Variants in TP53BP2 observed in about 807,000 individuals in gnomAD.
TP53BP2 encodes the protein apoptosis-stimulating of p53 protein 2.
In TP53BP2, 62 loss-of-function variants were observed where a neutral mutation model predicts 126.2. The observed-to-expected ratio is 0.49, with a 90% confidence interval of 0.40 to 0.61. TP53BP2 has a LOEUF of 0.61. TP53BP2 is among the 20% of genes least tolerant of loss of function. The pLI is 0.00. For synonymous variants in TP53BP2, 485 were observed against 502.9 expected, an observed-to-expected ratio of 0.96 and a Z score of 0.48; for missense variants, 1,215 against 1,402.8, an observed-to-expected ratio of 0.87 and a Z score of 2.14.
intron 13 of TP53BP2, among the ~76,000 whole-genome samples, chr1:223,795,161 G>A (rs1655191556): frequency 6.6e-6 from 1 of 152,162 alleles, no homozygotes; most frequent in Admixed American, 6.6e-5. Context: ...TGTAGAAGGT[G>A]CACTCAAGCC....
At chr1:223,782,242 T>C (rs1253189337) in intron 17 of TP53BP2, among the ~76,000 whole-genome samples, 1 of 152,200 alleles carries the variant, frequency 6.6e-6, no homozygotes, top group Admixed American at 6.5e-5. Context: ...ACACCATAAA[T>C]ATACACAATT....
rs1662541887 is a variant in TP53BP2, at chr1:223,802,036, AAG to A, written c.1225+78_1225+79del. 1.0e-5 allele frequency: 14 copies of A among 1,362,640 alleles called. No individual in the cohort carries two copies. In the Middle Eastern group the frequency reaches 1.1e-3, roughly 109 times the overall value. 84.4% of individuals were successfully genotyped at this position (1,362,640 alleles called of 1,614,324 possible). A position where few individuals can be genotyped will look rare whatever the true frequency, so the allele number is the denominator to read the frequency against. On this transcript the variant is annotated intron_variant, in intron 9 of 17. Transcript: ENST00000343537. The stretch of plus-strand genomic sequence containing the variant: ...AATTCAAACATGAATAATGAATACA[AAG>A]AGAGATTTTTTTTAAACTCAAACTT...
chr1:223,823,169 T>C (rs570014203), intron 1 of TP53BP2, among the ~76,000 whole-genome samples: 7 of 152,230 alleles, frequency 4.6e-5, no homozygotes, highest in Admixed American at 3.9e-4. Context: ...CACACAGCAA[T>C]TGGAGGGCCT....
chr1:223,800,682 A>G lies in TP53BP2; in HGVS notation c.1336+18T>C. On this transcript the variant is annotated intron_variant, in intron 10 of 17. Transcript: ENST00000343537. ...TGACCAAAATTTAATGTTCAAGAGT[A>G]GCACAAATAAATCTCACCTTGATCC... 1 of 1,563,924 alleles carries G rather than the reference A, an allele frequency of 6.4e-7. No individual in the cohort carries two copies. The highest frequency in any genetic ancestry group is 8.7e-7 in the Non-Finnish European group (1 of 1,152,112).
chr1:223,843,780 T>C (rs1571883058), intron 1 of TP53BP2, among the ~76,000 whole-genome samples: 1 of 152,178 alleles, frequency 6.6e-6, no homozygotes, highest in East Asian at 1.9e-4. Flanking sequence ...AAGCCAAAGA[T>C]GAGAAATATA....
intron 16 of TP53BP2, among the ~76,000 whole-genome samples, chr1:223,784,665 C>T (rs1661889115): frequency 6.6e-6 from 1 of 152,074 alleles, no homozygotes; most frequent in Non-Finnish European, 1.5e-5. Context: ...AAAAAGTGAA[C>T]GATATGCCTG....
rs926457964 is a variant in TP53BP2, at chr1:223,797,425, GTT to G, written c.1948+788_1948+789del. The stretch of plus-strand genomic sequence containing the variant: ...TATATATATATATGTACGTATGTAT[GTT>G]TTTTTTTTTAGATGGAGTTTCACTC... On this transcript the variant is annotated intron_variant, in intron 12 of 17. Transcript: ENST00000343537. 4.1e-5 allele frequency among the ~76,000 whole-genome samples: 6 copies of G among 146,282 alleles called. No individual in the cohort carries two copies. The East Asian group carries it at 7.9e-4, about 19-fold the overall frequency.
intron 3 of TP53BP2, among the ~76,000 whole-genome samples, chr1:223,812,829 T>A (rs1662957637): frequency 6.6e-6 from 1 of 152,140 alleles, no homozygotes; most frequent in Admixed American, 6.6e-5. Context: ...CCCAAAGTGC[T>A]GGGATTACAG....
Position 223,796,604 on chromosome 1 carries a change from GA to G in TP53BP2, c.1949-15del, listed in dbSNP as rs28364803. 1,362 of 1,398,814 alleles carry G rather than the reference GA, an allele frequency of 9.7e-4. No individual in the cohort carries two copies. The highest frequency in any genetic ancestry group is 3.4e-3 in the South Asian group (223 of 66,208). The allele number at this position is 1,398,814 out of a possible 1,614,324, so 86.7% of individuals were successfully genotyped here. A position where few individuals can be genotyped will look rare whatever the true frequency, so the allele number is the denominator to read the frequency against. On this transcript the variant is annotated splice_polypyrimidine_tract_variant and intron_variant, in intron 12 of 17. Coordinates refer to ENST00000343537, the MANE Select transcript of TP53BP2 (RefSeq NM_001031685.3). This position sits in a 1 kb window ranked among gnomAD's most constrained non-coding sequence, Gnocchi z 4.2. ...GCTTACCATATACTAATTGGAAAAG[GA>G]AAAAAAAAAGCCCTCATTAGCATTA...
intron 3 of TP53BP2, among the ~76,000 whole-genome samples, chr1:223,811,453 T>C (rs1204699982): frequency 6.6e-6 from 1 of 152,174 alleles, no homozygotes. Context: ...AATTCTAATA[T>C]GATCAGCTTT....
intron 6 of TP53BP2, among the ~76,000 whole-genome samples, chr1:223,803,938 C>A (rs940237375): frequency 1.3e-5 from 2 of 152,148 alleles, no homozygotes; most frequent in African/African-American, 4.8e-5. Flanking sequence ...TTCAGAGGAA[C>A]CTGCAGCATC....
intron 1 of TP53BP2, among the ~76,000 whole-genome samples, chr1:223,836,182 T>A (rs949928501): frequency 1.3e-5 from 2 of 152,216 alleles, no homozygotes; most frequent in African/African-American, 4.8e-5. Flanking sequence ...AAACTTTCAA[T>A]GCACAAAATT....
intron 1 of TP53BP2, among the ~76,000 whole-genome samples, chr1:223,831,021 C>T (rs1663684817): frequency 1.3e-5 from 2 of 152,000 alleles, no homozygotes; most frequent in African/African-American, 4.8e-5. Context: ...TGGCATGAAC[C>T]TGGGAGGCGG....
rs575723217 is a variant in TP53BP2 at position 223,804,154 on chromosome 1, A to T, written c.649+20T>A. The T allele has an allele frequency of 1.8e-5, 28 of 1,589,844 alleles. No homozygotes were observed. In the South Asian group the frequency reaches 3.0e-4, roughly 17 times the overall value. On this transcript the variant is annotated intron_variant, in intron 6 of 17. Coordinates refer to ENST00000343537, the MANE Select transcript of TP53BP2 (RefSeq NM_001031685.3). ...GACAAATAAATGTATAAAAAAGTAA[A>T]TCTATGAGGAACAACTCACCAAGTT...
rs1041400485 is a variant in TP53BP2, at chr1:223,841,241, G to A, written c.27+4413C>T. Among the ~76,000 whole-genome samples the A allele has an allele frequency of 2.0e-3, 157 of 77,192 alleles. 2 individuals carry two copies. Among genetic ancestry groups the A allele is most frequent in the Middle Eastern group, 0.011 (2 of 176 alleles). 50.6% of individuals were successfully genotyped at this position (77,192 alleles called of 152,430 possible). On this transcript the variant is annotated intron_variant, in intron 1 of 17. Transcript: ENST00000343537. ...CTGGACTACAGAGTGGTGAGACTCC[G>A]TCTCAAGAAATAAATAAATAAATAA...
Position 223,804,361 on chromosome 1 carries a change from G to C in TP53BP2, c.475-13C>G, listed in dbSNP as rs1229561001. ...TTAAGCGCTGTTCCTAAAAATAAAA[G>C]TAATCATTAGGTATGTCATTTTAGG... On this transcript the variant is annotated splice_polypyrimidine_tract_variant and intron_variant, in intron 5 of 17. Transcript: ENST00000343537. 2 of 1,611,312 alleles carry C rather than the reference G, an allele frequency of 1.2e-6. No homozygotes were observed. The highest frequency in any genetic ancestry group is 1.7e-6 in the Non-Finnish European group (2 of 1,179,284).
chr1:223,810,859 C>T (rs1662887250), intron 3 of TP53BP2, among the ~76,000 whole-genome samples: 1 of 152,146 alleles, frequency 6.6e-6, no homozygotes, highest in Non-Finnish European at 1.5e-5. Flanking sequence ...TCTTCCTAGT[C>T]ATCTATTTAG....
At chr1:223,811,499 A>C (rs970626631) in intron 3 of TP53BP2, among the ~76,000 whole-genome samples, 3 of 152,210 alleles carry the variant, frequency 2.0e-5, no homozygotes, top group African/African-American at 7.2e-5. Context: ...CTGGCAAAAT[A>C]GCTCAGGTAA....
chr1:223,806,621 T>G (rs1571854725), intron 5 of TP53BP2, among the ~76,000 whole-genome samples: 1 of 152,104 alleles, frequency 6.6e-6, no homozygotes, highest in Non-Finnish European at 1.5e-5. Flanking sequence ...GTCAGGAGTT[T>G]GAGACCAGCC....
Sources: gnomAD v4.1 joint callset for allele counts (sites outside exome capture counted in the v4.1 genomes callset) on GRCh38, gnomAD v4.1.1 for gene constraint, Gnocchi (gnomAD v3.1) non-coding constraint, MANE v1.5 for transcripts, NCBI Gene and HGNC (gene_info 2026-07-23, HGNC 2026-07-21) for gene names.